HSF4: variants seen among roughly 807,000 people sequenced by gnomAD.
HSF4 encodes heat shock transcription factor 4, also known as heat shock factor protein 4.
A neutral mutation model predicts 52.0 loss-of-function variants in HSF4; 41 were observed. The observed-to-expected ratio is 0.79, with a 90% CI of 0.61 to 1.02. The LOEUF is 1.02. Ranked by LOEUF, HSF4 falls within the 50% of genes least tolerant of loss-of-function variation. The pLI is 0.00. For missense variants in HSF4, 610 were observed against 651.1 expected (o/e 0.94, Z 0.69); for synonymous variants, 285 against 273.0 (o/e 1.04, Z -0.43).
At chr16:67,163,762 C>G (rs913428549), upstream of HSF4, 1 of 1,585,620 alleles carries the variant, frequency 6.3e-7, no homozygotes. Flanking sequence ...CGCCTGCGCA[C>G]CTATACCCTC....
In HSF4 at chr16:67,169,056, A is replaced by G; in HGVS notation, c.1209A>G (p.Gln403=). 1.9e-6 allele frequency: 3 copies of G among 1,613,908 alleles called. No individual in the cohort carries two copies. The highest frequency in any genetic ancestry group is 2.7e-5 in the African/African-American group (2 of 75,048). ...GPLDVLGPSL[Q]GREWTLMDLD... ...CTCAGGTGCTGGGCCCCAGTCTCCA[A>G]GGGCGAGAATGGACCCTGATGGACT... is the stretch of plus-strand genomic sequence containing the variant. Residue 403 remains glutamine (Q), a synonymous_variant, in exon 11 of 13, where the codon CAA becomes CAG. Coordinates refer to ENST00000521374, the MANE Select transcript of HSF4 (RefSeq NM_001374675.1). The surrounding 1 kb of genome is among the most constrained non-coding windows in gnomAD (Gnocchi z 4.3).
chr16:67,169,455 G>A lies in HSF4; in HGVS notation c.1324+107G>A. The A allele has an allele frequency of 6.4e-7, 1 of 1,569,062 alleles. No homozygotes were observed. Among genetic ancestry groups the A allele is most frequent in the South Asian group, 1.1e-5 (1 of 87,026 alleles). On this transcript the variant is annotated intron_variant, in intron 12 of 12. Transcript: ENST00000521374. The surrounding 1 kb of genome is among the most constrained non-coding windows in gnomAD (Gnocchi z 4.3). The stretch of plus-strand genomic sequence containing the variant: ...ATTTGCAGGGAAATCCTGAGTTCAG[G>A]CTGCACTGCAGAGCGTTCCTTGAGC...
chr16:67,165,407 AC>A lies in HSF4; in HGVS notation c.124-112del, dbSNP rs1167017251. 2.1e-6 allele frequency: 2 copies of A among 974,870 alleles called. No individual in the cohort carries two copies. Among genetic ancestry groups the A allele is most frequent in the Non-Finnish European group, 3.3e-6 (2 of 612,626 alleles). The allele number at this position is 974,870 out of a possible 1,614,324, so 60.4% of individuals were successfully genotyped here. On this transcript the variant is annotated intron_variant, in intron 1 of 12. Coordinates refer to ENST00000521374, the MANE Select transcript of HSF4 (RefSeq NM_001374675.1). The surrounding 1 kb of genome is among the most constrained non-coding windows in gnomAD (Gnocchi z 6.9). ...ATATCCCCGTAAGCGGCAGGCCTGG[AC>A]CCAAGAGTGAGCATGAGTGTGTGCG...
At chr16:67,164,551 TCACCCCACCC>T (rs745593476), upstream of HSF4, 1 of 580,610 alleles carries the variant, frequency 1.7e-6, no homozygotes, top group Non-Finnish European at 3.2e-6. Context: ...CCCACTCATC[TCACCCCACCC>T]CACCCCACTC....
chr16:67,163,881 G>GT (rs759762267), upstream of HSF4: 2 of 1,525,924 alleles, frequency 1.3e-6, no homozygotes, highest in Non-Finnish European at 1.7e-6. Flanking sequence ...AACGGGGGGG[G>GT]TGTCCAGGCG....
At chr16:67,163,772 CA>C, upstream of HSF4, 1 of 1,576,020 alleles carries the variant, frequency 6.3e-7, no homozygotes, top group Non-Finnish European at 8.5e-7. Flanking sequence ...CCTATACCCT[CA>C]AGCTCACGCG....
chr16:67,164,973 G>T (rs2031137337), intron 1 of HSF4, 39 bp downstream of exon 1: 7 of 1,559,172 alleles, frequency 4.5e-6, no homozygotes, highest in Non-Finnish European at 6.1e-6. Flanking sequence ...TGTGGTCCCG[G>T]GGTCCCTCCA....
rs763312370 is a variant in HSF4, at chr16:67,164,918, T to C, written c.107T>C (p.Leu36Pro). Residue 36 changes from leucine to proline, a missense_variant, in exon 1 of 13, where the codon CTG (leucine) becomes CCG (proline). Coordinates refer to ENST00000521374, the MANE Select transcript of HSF4 (RefSeq NM_001374675.1). ...ALVGDPGTDH[L>P]IRWSPSGTSF... ...GTGGGGGACCCAGGCACAGACCACC[T>C]GATCCGCTGGAGCCCGGTGAGGGCC... 1 of 1,607,408 alleles carries C rather than the reference T, an allele frequency of 6.2e-7. No individual in the cohort carries two copies.
rs550933720 is a variant in HSF4 at position 67,169,320 on chromosome 16, G to A, written c.1296G>A (p.Ala432=). 5.0e-6 allele frequency: 8 copies of A among 1,613,670 alleles called. No individual in the cohort carries two copies. In the East Asian group the frequency reaches 8.9e-5, roughly 18 times the overall value. ...CAGAGCGGGGTGAGCCTGAGCTGGC[G>A]GTCAAGGGGTTAAATTCTCCAAGCC... ...LVPERGEPEL[A]VKGLNSPSPG... Residue 432 remains alanine (A), a synonymous_variant, in exon 12 of 13, where the codon GCG becomes GCA. Transcript: ENST00000521374. The surrounding 1 kb of genome is among the most constrained non-coding windows in gnomAD (Gnocchi z 4.3).
At position 67,169,788 on chromosome 16, in the gene HSF4, C is replaced by T. The variant is rs906355402; in HGVS notation, c.*3C>T. ...CGGAAGCCAGTCCCTCCCCCTAAGACCCCGCGCCTCTGAAGGGGCTTGGAA... is the reference window on the plus strand; with the variant it reads ...CGGAAGCCAGTCCCTCCCCCTAAGATCCCGCGCCTCTGAAGGGGCTTGGAA... On this transcript the variant is annotated 3_prime_UTR_variant, in exon 13 of 13. Transcript: ENST00000521374. The surrounding 1 kb of genome is among the most constrained non-coding windows in gnomAD (Gnocchi z 4.3). 3.7e-6 allele frequency: 6 copies of T among 1,613,134 alleles called. No individual in the cohort carries two copies. Among genetic ancestry groups the T allele is most frequent in the Non-Finnish European group, 5.1e-6 (6 of 1,180,004 alleles).
chr16:67,165,267 G>C lies in HSF4; in HGVS notation c.124-255G>C. On this transcript the variant is annotated intron_variant, in intron 1 of 12. Coordinates refer to ENST00000521374, the MANE Select transcript of HSF4 (RefSeq NM_001374675.1). The surrounding 1 kb of genome is among the most constrained non-coding windows in gnomAD (Gnocchi z 6.9). ...GTCACATTGCGGGGCTGGGAACCCC[G>C]TCAGCCTCTCCTTTCTGAGAACTGA... 3.4e-6 allele frequency: 2 copies of C among 596,570 alleles called. No individual in the cohort carries two copies. Among genetic ancestry groups the C allele is most frequent in the Non-Finnish European group, 6.0e-6 (2 of 335,360 alleles). 37.0% of individuals were successfully genotyped at this position (596,570 alleles called of 1,614,324 possible).
rs537234439 is a variant in HSF4, at chr16:67,166,875, A to G, written c.627-245A>G. 1.2e-4 allele frequency among the ~76,000 whole-genome samples: 19 copies of G among 152,036 alleles called. No homozygotes were observed. The South Asian group carries it at 3.3e-3, about 27-fold the overall frequency. ...CCAGCAGCCCCTTCCCCCTCCGGCA[A>G]GGCTTCCCAACAGCTGAGACCCTGG... On this transcript the variant is annotated intron_variant, in intron 6 of 12. Transcript: ENST00000521374.
rs780280272 is a variant in HSF4, at chr16:67,164,959, C to T, written c.123+25C>T. On this transcript the variant is annotated intron_variant, in intron 1 of 12. Coordinates refer to ENST00000521374, the MANE Select transcript of HSF4 (RefSeq NM_001374675.1). ...GGTGAGGGCCGGGGCCCCTCGATTCCCCCTGTGGTCCCGGGGTCCCTCCAC... is the reference window on the plus strand; with the variant it reads ...GGTGAGGGCCGGGGCCCCTCGATTCTCCCTGTGGTCCCGGGGTCCCTCCAC... The T allele has an allele frequency of 2.7e-5, 42 of 1,578,076 alleles. 2 individuals carry two copies. Among genetic ancestry groups the T allele is most frequent in the Middle Eastern group, 1.7e-4 (1 of 5,742 alleles).
At position 67,164,876 on chromosome 16, in the gene HSF4, GC is replaced by G; in HGVS notation, c.66del (p.Lys23SerfsTer14). ...CCCAGCCCCGTGCCTGCCTTCCTCG[GC>G]AAGCTATGGGCGCTGGTGGGGGACC... ...PGPSPVPAFL[G>X]KLWALVGDPG... On this transcript the variant is annotated frameshift_variant, in exon 1 of 13. Transcript: ENST00000521374. LOFTEE classifies it high-confidence loss of function. 3.1e-6 allele frequency: 5 copies of G among 1,607,484 alleles called. No homozygotes were observed. Among genetic ancestry groups the G allele is most frequent in the Non-Finnish European group, 4.2e-6 (5 of 1,178,964 alleles).
intron 10 of HSF4, 35 bp downstream of exon 10, chr16:67,168,971 ACCTGGTGGGGTCTAGCTCTCTGTGGAG>A (rs1236054203): frequency 1.2e-6 from 2 of 1,612,302 alleles, no homozygotes; most frequent in South Asian, 1.1e-5. Context: ...GGGGCATGAG[ACCTGGTGGGGTCTAGCTCTCTGTGGAG>A]CCTGGGGAGG....
chr16:67,166,260 TG>T (rs1465013229), intron 4 of HSF4, 59 bp from the exon 5 acceptor site: 5 of 1,513,646 alleles, frequency 3.3e-6, no homozygotes, highest in Non-Finnish European at 4.5e-6. Flanking sequence ...CGCCATTCTG[TG>T]GGGGGTGGTG....
At position 67,169,630 on chromosome 16, in the gene HSF4, G is replaced by T. The variant is rs142731757; in HGVS notation, c.1325-1G>T. The T allele has an allele frequency of 7.2e-5, 115 of 1,606,912 alleles. 1 individual carries two copies. The East Asian group carries it at 2.5e-3, about 35-fold the overall frequency. On this transcript the variant is annotated splice_acceptor_variant, in intron 12 of 12. Transcript: ENST00000521374. LOFTEE classifies it high-confidence loss of function. This position sits in a 1 kb window ranked among gnomAD's most constrained non-coding sequence, Gnocchi z 4.3. Reference sequence around the variant, plus strand: ...GGTGAGCGCAGTCCCACTTCTCCTAGGGAAGGACCCCACGCTCGGGGCCCC... The same window carrying T: ...GGTGAGCGCAGTCCCACTTCTCCTATGGAAGGACCCCACGCTCGGGGCCCC...
At position 67,169,124 on chromosome 16, in the gene HSF4, C is replaced by T; in HGVS notation, c.1254+23C>T. 1.6e-5 allele frequency: 25 copies of T among 1,610,570 alleles called. No individual in the cohort carries two copies. The highest frequency in any genetic ancestry group is 2.0e-5 in the Non-Finnish European group (24 of 1,179,440). ...TTGGTAAGAAGTGGGTCGGGGAGGG[C>T]AGAGGCCAGGGGTGGCTGAGTCAAG... On this transcript the variant is annotated intron_variant, in intron 11 of 12. Coordinates refer to ENST00000521374, the MANE Select transcript of HSF4 (RefSeq NM_001374675.1). The surrounding 1 kb of genome is among the most constrained non-coding windows in gnomAD (Gnocchi z 4.3).
rs539075342 is a variant in HSF4 at position 67,167,752 on chromosome 16, C to T, written c.887C>T (p.Pro296Leu). The change falls in exon 9 of 13, where the codon CCG (proline) becomes CTG (leucine). Residue 296 changes from proline to leucine, a missense_variant. Transcript: ENST00000521374. ...GGCCTGGCACTGCTCAAAGAAGAGC[C>T]GGCCAGTCCAGGGGGGGATGGCGAG... ...EKGLALLKEE[P>L]ASPGGDGEAG... 26 of 1,606,212 alleles carry T rather than the reference C, an allele frequency of 1.6e-5. No homozygotes were observed. Among genetic ancestry groups the T allele is most frequent in the South Asian group, 7.7e-5 (7 of 90,476 alleles).
Sources: gnomAD v4.1 joint callset for allele counts (sites outside exome capture counted in the v4.1 genomes callset) on GRCh38, gnomAD v4.1.1 for gene constraint, Gnocchi (gnomAD v3.1) non-coding constraint, MANE v1.5 for transcripts, NCBI Gene and HGNC (gene_info 2026-07-23, HGNC 2026-07-21) for gene names.